Variants in LRRC28 observed in about 807,000 individuals in gnomAD.
The protein encoded by LRRC28 is leucine rich repeat containing 28.
In LRRC28, 39 loss-of-function variants were observed where a neutral mutation model predicts 45.7. The observed-to-expected ratio is 0.85, with a 90% CI of 0.66 to 1.12. The LOEUF is 1.12. Ranked by LOEUF, LRRC28 falls within the 50% of genes most tolerant of loss-of-function variation. The probability of loss-of-function intolerance (pLI) is 0.00; values close to 1 mark genes in which losing one functional copy is unlikely to be tolerated. For missense variants in LRRC28, 435 were observed against 438.5 expected (o/e 0.99, Z 0.07); for synonymous variants, 206 against 178.8 (o/e 1.15, Z -1.22).
In LRRC28 at chr15:99,256,618, G is replaced by A. The variant is rs2081029382; in HGVS notation, c.168+493G>A. Among the ~76,000 whole-genome samples the A allele has an allele frequency of 2.0e-5, 3 of 152,192 alleles. No individual in the cohort carries two copies. The South Asian group carries it at 6.2e-4, about 31-fold the overall frequency. On this transcript the variant is annotated intron_variant, in intron 2 of 9. Coordinates refer to ENST00000301981, the MANE Select transcript of LRRC28 (RefSeq NM_144598.5). ...AATGTAACTTTTCAGTGTTTTGAAA[G>A]CAAAACCTTTATGATTGCCCTGTGA...
rs368869911 is a variant in LRRC28, at chr15:99,373,650, G to A, written c.1031+10385G>A. On this transcript the variant is annotated intron_variant, in intron 9 of 9. Coordinates refer to ENST00000301981, the MANE Select transcript of LRRC28 (RefSeq NM_144598.5). ...TGATTACTTTTTGTACCCATTAACC[G>A]TTACCCAGCCAACTTTAATTTTTTA... Among the ~76,000 whole-genome samples the A allele has an allele frequency of 1.8e-4, 28 of 152,042 alleles. 1 individual carries two copies. Among genetic ancestry groups the A allele is most frequent in the Admixed American group, 1.2e-3 (18 of 15,276 alleles).
intron 9 of LRRC28, among the ~76,000 whole-genome samples, chr15:99,376,962 G>A (rs1957657364): frequency 6.6e-6 from 1 of 152,144 alleles, no homozygotes; most frequent in Non-Finnish European, 1.5e-5. Context: ...CATTTGGGTT[G>A]GTTCCAAGTC....
chr15:99,282,664 C>T (rs1259354642), intron 3 of LRRC28, among the ~76,000 whole-genome samples: 1 of 152,126 alleles, frequency 6.6e-6, no homozygotes, highest in Non-Finnish European at 1.5e-5. Context: ...ACCTTGTAAC[C>T]TAGGTGTGTG....
intron 7 of LRRC28, among the ~76,000 whole-genome samples, chr15:99,356,492 C>T (rs1957050780): frequency 6.6e-6 from 1 of 152,130 alleles, no homozygotes; most frequent in Non-Finnish European, 1.5e-5. Context: ...ATGATCCAAT[C>T]TGAAGGACAC....
At chr15:99,324,858 T>C (rs903750392) in intron 5 of LRRC28, among the ~76,000 whole-genome samples, 3 of 152,180 alleles carry the variant, frequency 2.0e-5, no homozygotes, top group Non-Finnish European at 4.4e-5. Context: ...AGTAGGATTC[T>C]ACCAGGATTC....
At chr15:99,313,587 G>A (rs1249032734) in intron 5 of LRRC28, among the ~76,000 whole-genome samples, 1 of 152,040 alleles carries the variant, frequency 6.6e-6, no homozygotes, top group African/African-American at 2.4e-5. Context: ...CTGTTATTTT[G>A]AATTACCATC....
intron 6 of LRRC28, among the ~76,000 whole-genome samples, chr15:99,343,175 TTTA>T (rs1195565857): frequency 1.3e-5 from 2 of 152,238 alleles, no homozygotes; most frequent in Non-Finnish European, 2.9e-5. Flanking sequence ...TTCCAAATAA[TTTA>T]TTTTGATTGA....
At chr15:99,289,963 A>AT (rs2082072446) in intron 5 of LRRC28, among the ~76,000 whole-genome samples, 1 of 146,134 alleles carries the variant, frequency 6.8e-6, no homozygotes, top group Admixed American at 6.9e-5. Context: ...AAAAAAAAAA[A>AT]TGGCACCAGT....
chr15:99,380,894 G>A (rs1337066326), intron 9 of LRRC28, among the ~76,000 whole-genome samples: 2 of 151,818 alleles, frequency 1.3e-5, no homozygotes, highest in African/African-American at 2.4e-5. Flanking sequence ...AGTTTCTGCT[G>A]AGATCCGCTG....
At chr15:99,337,924 T>C (rs1466555414) in intron 6 of LRRC28, 1 of 152,266 alleles carries the variant, frequency 6.6e-6, no homozygotes, top group African/African-American at 2.4e-5. Context: ...AGAAGCAGGC[T>C]ACCTGAAGCA....
intron 7 of LRRC28, among the ~76,000 whole-genome samples, chr15:99,354,594 T>C (rs1167803921): frequency 1.3e-5 from 2 of 152,132 alleles, no homozygotes; most frequent in African/African-American, 4.8e-5. Context: ...TGAACATTTA[T>C]TGAGCAACTA....
intron 5 of LRRC28, among the ~76,000 whole-genome samples, chr15:99,311,303 A>T (rs1035708671): frequency 6.6e-6 from 1 of 152,126 alleles, no homozygotes; most frequent in Non-Finnish European, 1.5e-5. Context: ...AGCATTTCAG[A>T]TTTCAGGTTA....
chr15:99,354,303 T>A (rs577659750), intron 7 of LRRC28, among the ~76,000 whole-genome samples: 1 of 152,342 alleles, frequency 6.6e-6, no homozygotes, highest in South Asian at 2.1e-4. Context: ...TGGCAAAATG[T>A]GCTCAGAATT....
chr15:99,305,639 G>A (rs1008728048), intron 5 of LRRC28, among the ~76,000 whole-genome samples: 3 of 152,124 alleles, frequency 2.0e-5, no homozygotes, highest in African/African-American at 7.2e-5. Flanking sequence ...TTAATTAATA[G>A]CTACTATCTT....
intron 5 of LRRC28, among the ~76,000 whole-genome samples, chr15:99,305,270 A>G (rs1333350995): frequency 6.6e-6 from 1 of 152,164 alleles, no homozygotes; most frequent in East Asian, 1.9e-4. Flanking sequence ...AATGGTAGTA[A>G]ATATTGTGAA....
chr15:99,253,972 T>C (rs925899686), intron 1 of LRRC28, among the ~76,000 whole-genome samples: 1 of 152,230 alleles, frequency 6.6e-6, no homozygotes, highest in Non-Finnish European at 1.5e-5. Flanking sequence ...GTGAGCCATT[T>C]ACTGAGATGG....
At chr15:99,274,273 G>A (rs2081559891) in intron 2 of LRRC28, among the ~76,000 whole-genome samples, 1 of 152,184 alleles carries the variant, frequency 6.6e-6, no homozygotes, top group Non-Finnish European at 1.5e-5. Flanking sequence ...TTGTGATACT[G>A]TTGCTAAGTA....
intron 9 of LRRC28, among the ~76,000 whole-genome samples, chr15:99,376,452 TTAG>T (rs940114299): frequency 6.6e-6 from 1 of 152,202 alleles, no homozygotes; most frequent in Non-Finnish European, 1.5e-5. Flanking sequence ...GTATGTGTGT[TTAG>T]TACTGTAAGT....
At chr15:99,286,166 T>C (rs1471972937) in intron 3 of LRRC28, among the ~76,000 whole-genome samples, 2 of 152,256 alleles carry the variant, frequency 1.3e-5, no homozygotes, top group African/African-American at 4.8e-5. Flanking sequence ...AGTCTCACTC[T>C]GTTGCCCAGG....
Sources: gnomAD v4.1 joint callset for allele counts (sites outside exome capture counted in the v4.1 genomes callset) on GRCh38, gnomAD v4.1.1 for gene constraint, MANE v1.5 for transcripts, NCBI Gene and HGNC (gene_info 2026-07-23, HGNC 2026-07-21) for gene names.